Variants in ZDHHC2 observed in about 807,000 individuals in gnomAD.
The protein encoded by ZDHHC2 is palmitoyltransferase ZDHHC2.
A neutral mutation model predicts 55.6 loss-of-function variants in ZDHHC2; 51 were observed. The observed-to-expected ratio is 0.92, with a 90% CI of 0.73 to 1.16. The LOEUF (loss-of-function observed/expected upper bound fraction) is 1.16, where lower values mean the gene tolerates loss of function less well. ZDHHC2 is among the 50% of genes most tolerant of loss of function. ZDHHC2 has a pLI of 0.00. For missense variants in ZDHHC2, 491 were observed against 442.4 expected, an observed-to-expected ratio of 1.11 and a Z score of -0.99; for synonymous variants, 199 against 152.9, an observed-to-expected ratio of 1.30 and a Z score of -2.22.
chr8:17,191,014 T>C (rs1211128015), intron 3 of ZDHHC2, among the ~76,000 whole-genome samples: 1 of 128,920 alleles, frequency 7.8e-6, no homozygotes, highest in African/African-American at 3.0e-5. Flanking sequence ...CAGGCTGGAG[T>C]GCAATGGCAT....
At position 17,222,198 on chromosome 8, in the gene ZDHHC2, A is replaced by C. The variant is rs1279044747; in HGVS notation, c.*1977A>C. The C allele has an allele frequency of 1.3e-5, 2 of 151,762 alleles. No homozygotes were observed. Among genetic ancestry groups the C allele is most frequent in the Non-Finnish European group, 3.0e-5 (2 of 67,764 alleles). 9.4% of individuals were successfully genotyped at this position (151,762 alleles called of 1,614,324 possible). On this transcript the variant is annotated 3_prime_UTR_variant, in exon 13 of 13. Transcript: ENST00000262096. ...TTAGAATCAGATTTGAAAAAGTTAA[A>C]ACAATTTCATTGTTGTAATTGTTCC...
chr8:17,190,196 C>T (rs573895909), intron 3 of ZDHHC2, among the ~76,000 whole-genome samples: 40 of 151,554 alleles, frequency 2.6e-4, no homozygotes, highest in African/African-American at 9.2e-4. Flanking sequence ...GCGGAGGTTG[C>T]AGTGAGCCGA....
intron 1 of ZDHHC2, among the ~76,000 whole-genome samples, chr8:17,164,686 A>G (rs1804517859): frequency 6.6e-6 from 1 of 152,196 alleles, no homozygotes; most frequent in Non-Finnish European, 1.5e-5. Context: ...CTTCATGATC[A>G]TGTTATAAAA....
intron 6 of ZDHHC2, among the ~76,000 whole-genome samples, chr8:17,203,834 A>G: frequency 7.1e-6 from 1 of 141,456 alleles, no homozygotes. Flanking sequence ...TTTGAGAGGA[A>G]GTCTCCCTTT....
chr8:17,184,706 A>G (rs1805620385), intron 1 of ZDHHC2, 83 bp from the exon 2 acceptor site: 1 of 1,132,912 alleles, frequency 8.8e-7, no homozygotes, highest in African/African-American at 1.6e-5. Context: ...CACATTATTA[A>G]GCTACTTAAA....
intron 3 of ZDHHC2, among the ~76,000 whole-genome samples, chr8:17,188,954 T>C (rs1805873812): frequency 2.0e-5 from 3 of 152,090 alleles, no homozygotes; most frequent in Admixed American, 2.0e-4. Context: ...ATCTAGTCAA[T>C]CAGAAAATTC....
At chr8:17,196,144 A>G (rs1806295604) in intron 4 of ZDHHC2, among the ~76,000 whole-genome samples, 1 of 152,154 alleles carries the variant, frequency 6.6e-6, no homozygotes, top group Admixed American at 6.6e-5. Context: ...TACTTGGGAC[A>G]TATTTTAAGG....
chr8:17,183,091 T>A (rs929316683), intron 1 of ZDHHC2, among the ~76,000 whole-genome samples: 4 of 152,198 alleles, frequency 2.6e-5, no homozygotes, highest in African/African-American at 9.7e-5. Flanking sequence ...AAAATGTCAC[T>A]TTGTCTTAGT....
chr8:17,172,274 C>A (rs111543931), intron 1 of ZDHHC2, among the ~76,000 whole-genome samples: 11 of 152,262 alleles, frequency 7.2e-5, no homozygotes, highest in African/African-American at 2.6e-4. Context: ...GAGAACTGAG[C>A]GTTAGCTCTC....
At chr8:17,157,841 G>A (rs996613958) in intron 1 of ZDHHC2, among the ~76,000 whole-genome samples, 1 of 152,146 alleles carries the variant, frequency 6.6e-6, no homozygotes, top group African/African-American at 2.4e-5. Flanking sequence ...GGTGGGACGA[G>A]GGAAAAGATG....
intron 6 of ZDHHC2, among the ~76,000 whole-genome samples, chr8:17,199,730 T>C (rs1806639579): frequency 6.7e-6 from 1 of 150,248 alleles, no homozygotes; most frequent in African/African-American, 2.4e-5. Flanking sequence ...TTCTTTCTTC[T>C]TTTTCCTTCT....
intron 1 of ZDHHC2, among the ~76,000 whole-genome samples, chr8:17,170,840 C>T (rs1401700005): frequency 2.6e-5 from 4 of 152,108 alleles, no homozygotes; most frequent in African/African-American, 7.2e-5. Flanking sequence ...ACATGTGGGA[C>T]GTTTTGCATG....
intron 6 of ZDHHC2, among the ~76,000 whole-genome samples, chr8:17,204,131 T>G (rs1372940874): frequency 6.6e-6 from 1 of 152,226 alleles, no homozygotes; most frequent in Admixed American, 6.5e-5. Context: ...TATAAATTAT[T>G]TGCCCATATG....
At chr8:17,206,878 A>G (rs1425529269) in intron 7 of ZDHHC2, among the ~76,000 whole-genome samples, 1 of 152,216 alleles carries the variant, frequency 6.6e-6, no homozygotes, top group Non-Finnish European at 1.5e-5. Context: ...CAAATTTAAT[A>G]CCAAAGAGTT....
intron 3 of ZDHHC2, among the ~76,000 whole-genome samples, chr8:17,188,136 A>G (rs1354054700): frequency 2.6e-5 from 4 of 152,200 alleles, no homozygotes; most frequent in Non-Finnish European, 5.9e-5. Flanking sequence ...TTGTGTGCCT[A>G]ATGGCCTATC....
At chr8:17,207,147 C>G (rs1807138817) in intron 7 of ZDHHC2, among the ~76,000 whole-genome samples, 1 of 152,190 alleles carries the variant, frequency 6.6e-6, no homozygotes, top group African/African-American at 2.4e-5. Flanking sequence ...TCAGTGAGGT[C>G]TTGTGACCGG....
chr8:17,209,936 A>T lies in ZDHHC2; in HGVS notation c.735A>T (p.Ala245=), dbSNP rs200087281. The T allele has an allele frequency of 6.1e-5, 98 of 1,607,294 alleles. No individual in the cohort carries two copies. In the African/African-American group the frequency reaches 1.2e-3, roughly 20 times the overall value. The change falls in exon 9 of 13, where the codon GCA becomes GCT. Residue 245 remains alanine, a synonymous_variant. Coordinates refer to ENST00000262096, the MANE Select transcript of ZDHHC2 (RefSeq NM_016353.5). The stretch of plus-strand genomic sequence containing the variant: ...TCCTTTACCATCTTTTTTTAGAGGC[A>T]TTCAGAAGTCCAGTATTTCGACATG... ...LVSKNKSTLE[A]FRSPVFRHGT...
intron 2 of ZDHHC2, among the ~76,000 whole-genome samples, 179 bp from the exon 3 acceptor site, chr8:17,186,152 T>C (rs959369567): frequency 1.3e-5 from 2 of 152,238 alleles, no homozygotes; most frequent in Non-Finnish European, 2.9e-5. Context: ...TGTAAAAAAC[T>C]CTTGGCTTTG....
At chr8:17,158,339 A>G (rs1203934578) in intron 1 of ZDHHC2, among the ~76,000 whole-genome samples, 1 of 152,234 alleles carries the variant, frequency 6.6e-6, no homozygotes, top group Non-Finnish European at 1.5e-5. Context: ...AGTGACCAGT[A>G]TCGATTAATA....
Sources: allele counts gnomAD v4.1 joint callset (sites outside exome capture counted in the v4.1 genomes callset), GRCh38; gene constraint gnomAD v4.1.1; transcripts MANE v1.5; gene names NCBI Gene and HGNC (gene_info 2026-07-23, HGNC 2026-07-21).